Variants in SCG5 observed in about 807,000 individuals in gnomAD.
SCG5 encodes the protein secretogranin V, also known as neuroendocrine protein 7B2.
Under a neutral mutation model 25.7 loss-of-function variants are expected in SCG5, and 18 were observed. That is an observed-to-expected ratio of 0.70 (90% CI 0.48 to 1.04). The LOEUF is 1.04. Ranked by LOEUF, SCG5 falls within the 50% of genes least tolerant of loss-of-function variation. The probability of loss-of-function intolerance (pLI) is 0.00; values close to 1 mark genes in which losing one functional copy is unlikely to be tolerated. For synonymous variants in SCG5, 101 were observed against 91.7 expected, an observed-to-expected ratio of 1.10 and a Z score of -0.58; for missense variants, 206 against 259.8, an observed-to-expected ratio of 0.79 and a Z score of 1.42.
intron 2 of SCG5, among the ~76,000 whole-genome samples, chr15:32,648,609 C>G (rs1242107188): frequency 6.6e-6 from 1 of 152,000 alleles, no homozygotes; most frequent in Non-Finnish European, 1.5e-5. Flanking sequence ...TCACACCGGC[C>G]TCTTCCCACC....
At chr15:32,688,278 C>A (rs2054759884) in intron 4 of SCG5, among the ~76,000 whole-genome samples, 1 of 152,158 alleles carries the variant, frequency 6.6e-6, no homozygotes, top group African/African-American at 2.4e-5. Context: ...TGCCAGCTAC[C>A]CACTCCCCCT....
intron 3 of SCG5, among the ~76,000 whole-genome samples, chr15:32,683,848 T>A (rs972519251): frequency 6.6e-6 from 1 of 152,252 alleles, no homozygotes; most frequent in Non-Finnish European, 1.5e-5. Flanking sequence ...TTGTGTAATG[T>A]ACTTTCTCCA....
At chr15:32,667,565 C>T (rs1023175913) in intron 2 of SCG5, among the ~76,000 whole-genome samples, 3 of 152,252 alleles carry the variant, frequency 2.0e-5, no homozygotes, top group Non-Finnish European at 4.4e-5. Context: ...AGCTTTGTGG[C>T]CGCCTTTGAG....
chr15:32,662,561 C>T (rs915342861), intron 2 of SCG5, among the ~76,000 whole-genome samples: 1 of 151,990 alleles, frequency 6.6e-6, no homozygotes, highest in African/African-American at 2.4e-5. Flanking sequence ...TGTCTATCCA[C>T]TTTAAGATTT....
At chr15:32,687,843 C>T (rs906722444) in intron 4 of SCG5, among the ~76,000 whole-genome samples, 3 of 151,878 alleles carry the variant, frequency 2.0e-5, no homozygotes, top group Non-Finnish European at 1.5e-5. Context: ...TTCCGGGCCC[C>T]GTGTTAGGTA....
intron 2 of SCG5, among the ~76,000 whole-genome samples, chr15:32,653,971 T>C (rs1336171154): frequency 1.3e-5 from 2 of 152,202 alleles, no homozygotes. Flanking sequence ...ATAAATATGG[T>C]ATTTTGCTTT....
At chr15:32,676,071 C>G (rs1298761706) in intron 2 of SCG5, among the ~76,000 whole-genome samples, 5 of 152,168 alleles carry the variant, frequency 3.3e-5, no homozygotes, top group Admixed American at 2.6e-4. Flanking sequence ...CCCTTTGCAA[C>G]TGTATAATAT....
intron 3 of SCG5, among the ~76,000 whole-genome samples, chr15:32,680,251 A>G (rs1442805594): frequency 7.1e-6 from 1 of 140,172 alleles, no homozygotes; most frequent in African/African-American, 2.7e-5. Flanking sequence ...GCTGGAGTGC[A>G]GTGGTGTGAT....
chr15:32,651,927 C>T (rs1003878300), intron 2 of SCG5, among the ~76,000 whole-genome samples: 3 of 152,184 alleles, frequency 2.0e-5, no homozygotes, highest in Admixed American at 1.3e-4. Flanking sequence ...GAGTCATCCC[C>T]GTGTTAGTGG....
chr15:32,678,461 A>G (rs924027404), intron 2 of SCG5, among the ~76,000 whole-genome samples: 6 of 152,248 alleles, frequency 3.9e-5, no homozygotes, highest in Non-Finnish European at 7.3e-5. Context: ...GTAATCAAAG[A>G]CATTCAAAAT....
At chr15:32,659,906 A>G (rs2054189384) in intron 2 of SCG5, among the ~76,000 whole-genome samples, 2 of 151,940 alleles carry the variant, frequency 1.3e-5, no homozygotes, top group South Asian at 4.1e-4. Context: ...TCAGCAGATG[A>G]TGGGAGGAAT....
intron 2 of SCG5, among the ~76,000 whole-genome samples, chr15:32,673,629 T>C (rs1440754188): frequency 6.6e-6 from 1 of 151,846 alleles, no homozygotes; most frequent in Non-Finnish European, 1.5e-5. Flanking sequence ...TTTATTGTAT[T>C]TCATTATGGA....
rs16965876 is a variant in SCG5 at position 32,682,464 on chromosome 15, T to C, written c.377-2093T>C. Among the ~76,000 whole-genome samples the C allele has an allele frequency of 4.2e-3, 641 of 152,268 alleles. 6 individuals carry two copies. The highest frequency in any genetic ancestry group is 0.015 in the African/African-American group (614 of 41,548). ...GAGCATACAGTGTAGTTCTAGCTTG[T>C]CTGAAAACAAAAACAATAAAAACAC... On this transcript the variant is annotated intron_variant, in intron 3 of 5. Coordinates refer to ENST00000300175, the MANE Select transcript of SCG5 (RefSeq NM_001144757.3).
intron 3 of SCG5, among the ~76,000 whole-genome samples, chr15:32,681,230 C>T (rs996213591): frequency 6.6e-5 from 10 of 152,158 alleles, no homozygotes; most frequent in African/African-American, 2.2e-4. Flanking sequence ...AAAGTAATTG[C>T]ACTTTTTACT....
chr15:32,684,667 T>A lies in SCG5; in HGVS notation c.487T>A (p.Trp163Arg). The change falls in exon 4 of 6, where the codon TGG becomes AGG. Residue 163 changes from tryptophan (W) to arginine (R), a missense_variant and splice_region_variant. Transcript: ENST00000300175. ...PEHDYPGLGK[W>R]NKKLLYEKMK... ...ACATGACTATCCAGGCTTGGGCAAG[T>A]GGGTAAGTCCTATCTCAATTGTTAG... The A allele has an allele frequency of 6.2e-7, 1 of 1,606,034 alleles. No homozygotes were observed. Among genetic ancestry groups the A allele is most frequent in the Middle Eastern group, 1.7e-4 (1 of 6,044 alleles).
intron 2 of SCG5, among the ~76,000 whole-genome samples, chr15:32,674,009 G>C (rs771304545): frequency 1.3e-5 from 2 of 152,118 alleles, no homozygotes; most frequent in Non-Finnish European, 2.9e-5. Flanking sequence ...GTGAGCCACC[G>C]CACCCGGCCC....
At chr15:32,693,926 A>G (rs996131340) in intron 5 of SCG5, among the ~76,000 whole-genome samples, 2 of 152,182 alleles carry the variant, frequency 1.3e-5, no homozygotes, top group Non-Finnish European at 2.9e-5. Flanking sequence ...CCTGGCCAAC[A>G]TGGTGAAACC....
At chr15:32,667,495 G>A (rs767226133) in intron 2 of SCG5, among the ~76,000 whole-genome samples, 3 of 152,220 alleles carry the variant, frequency 2.0e-5, no homozygotes, top group Non-Finnish European at 2.9e-5. Context: ...CTGTCTGAGC[G>A]TATTGCCGGA....
Position 32,684,628 on chromosome 15 carries a change from C to G in SCG5, c.448C>G (p.Leu150Val). Residue 150 changes from leucine to valine, a missense_variant, in exon 4 of 6, where the codon CTC (leucine) becomes GTC (valine). By Grantham distance (32) the Leu-to-Val change is conservative. Coordinates refer to ENST00000300175, the MANE Select transcript of SCG5 (RefSeq NM_001144757.3). ...TCGAGAGTTCCAGTTGCACCAGCAT[C>G]TCTTTGATCCGGAACATGACTATCC... The part of the protein sequence containing the change: ...FSREFQLHQH[L>V]FDPEHDYPGL... 6.2e-7 allele frequency: 1 copy of G among 1,613,832 alleles called. No homozygotes were observed. Among genetic ancestry groups the G allele is most frequent in the Non-Finnish European group, 8.5e-7 (1 of 1,179,796 alleles).
Sources: gnomAD v4.1 joint callset for allele counts (sites outside exome capture counted in the v4.1 genomes callset) on GRCh38, gnomAD v4.1.1 for gene constraint, MANE v1.5 for transcripts, NCBI Gene and HGNC (gene_info 2026-07-23, HGNC 2026-07-21) for gene names.